The following ATG7 variants were observed in gnomAD, a reference collection of about 807,000 sequenced individuals.
ATG7 encodes autophagy related 7.
In ATG7, 70 loss-of-function variants were observed where a neutral mutation model predicts 82.4. The ratio of observed to expected loss-of-function variants is 0.85; its 90% CI spans 0.70 to 1.04. ATG7 has a LOEUF of 1.04. ATG7 is among the 50% of genes least tolerant of loss of function. The pLI, the probability that ATG7 is intolerant of heterozygous loss-of-function variation, is 0.00. For missense variants in ATG7, 792 were observed against 864.3 expected (o/e 0.92, Z 1.05); for synonymous variants, 287 against 313.0 (o/e 0.92, Z 0.88).
chr3:11,510,192 T>G (rs1297051163), intron 20 of ATG7: 1 of 456,790 alleles, frequency 2.2e-6, no homozygotes, highest in Admixed American at 2.4e-5. Flanking sequence ...CAGGATCATC[T>G]TTCTTTCATC....
chr3:11,502,064 G>T (rs565767181), intron 20 of ATG7, among the ~76,000 whole-genome samples: 253 of 152,026 alleles, frequency 1.7e-3, no homozygotes, highest in African/African-American at 5.6e-3. Flanking sequence ...ATATATGTTT[G>T]CTGTCATGTA....
intron 3 of ATG7, among the ~76,000 whole-genome samples, chr3:11,285,369 G>C (rs1451119229): frequency 6.7e-6 from 1 of 150,272 alleles, no homozygotes; most frequent in African/African-American, 2.5e-5. Context: ...AGAGATGGGG[G>C]CCCACCGTGT....
chr3:11,474,808 G>T (rs1424982989), intron 20 of ATG7, among the ~76,000 whole-genome samples: 1 of 152,120 alleles, frequency 6.6e-6, no homozygotes, highest in Non-Finnish European at 1.5e-5. Context: ...CTAGGCGGAG[G>T]GAACATCCCA....
At chr3:11,367,710 A>G (rs1261771776) in intron 18 of ATG7, among the ~76,000 whole-genome samples, 2 of 151,408 alleles carry the variant, frequency 1.3e-5, no homozygotes, top group African/African-American at 4.9e-5. Flanking sequence ...CTCTTATTGA[A>G]TTTGAAAACC....
chr3:11,300,697 G>A (rs1251173478), intron 5 of ATG7, among the ~76,000 whole-genome samples: 1 of 152,208 alleles, frequency 6.6e-6, no homozygotes, highest in African/African-American at 2.4e-5. Flanking sequence ...TTACGATGGT[G>A]AGAAAGCGAT....
chr3:11,314,119 A>G (rs927355765), intron 8 of ATG7, among the ~76,000 whole-genome samples: 4 of 152,212 alleles, frequency 2.6e-5, no homozygotes, highest in Non-Finnish European at 5.9e-5. Context: ...CTACCCTTGT[A>G]CCAAGTTGCA....
intron 20 of ATG7, among the ~76,000 whole-genome samples, chr3:11,498,805 G>C (rs1559754378): frequency 6.6e-6 from 1 of 152,180 alleles, no homozygotes; most frequent in Non-Finnish European, 1.5e-5. Flanking sequence ...TCTGTCCTAG[G>C]CTGGGCTCCA....
At chr3:11,276,792 T>G (rs1941899190) in intron 1 of ATG7, among the ~76,000 whole-genome samples, 1 of 152,176 alleles carries the variant, frequency 6.6e-6, no homozygotes, top group South Asian at 2.1e-4. Context: ...GCCAAGACTC[T>G]GCCCTCTACT....
At chr3:11,377,961 G>A (rs2077546951) in intron 18 of ATG7, among the ~76,000 whole-genome samples, 1 of 150,282 alleles carries the variant, frequency 6.7e-6, no homozygotes, top group Admixed American at 6.7e-5. Flanking sequence ...TGAGATGTTA[G>A]GAACTAAAAG....
At chr3:11,304,343 G>A (rs972942588) in intron 5 of ATG7, among the ~76,000 whole-genome samples, 4 of 152,220 alleles carry the variant, frequency 2.6e-5, no homozygotes, top group African/African-American at 7.2e-5. Context: ...GCGCATGGCT[G>A]TCAAAATCAC....
chr3:11,330,921 C>A (rs1488459565), intron 9 of ATG7, among the ~76,000 whole-genome samples: 3 of 152,178 alleles, frequency 2.0e-5, no homozygotes, highest in Non-Finnish European at 4.4e-5. Context: ...TGTACACTTA[C>A]ATTGGTAGTG....
intron 20 of ATG7, among the ~76,000 whole-genome samples, chr3:11,544,902 C>T (rs2071144337): frequency 6.6e-6 from 1 of 152,240 alleles, no homozygotes; most frequent in African/African-American, 2.4e-5. Flanking sequence ...ACGCAGCACG[C>T]AGTCCCCTGG....
At chr3:11,388,611 G>A (rs557253801) in intron 19 of ATG7, among the ~76,000 whole-genome samples, 244 of 152,072 alleles carry the variant, frequency 1.6e-3, no homozygotes, top group South Asian at 4.1e-3. Flanking sequence ...TGTACTTTTA[G>A]TAGAGACAGG....
chr3:11,501,715 A>G (rs1000944143), intron 20 of ATG7, among the ~76,000 whole-genome samples: 14 of 152,106 alleles, frequency 9.2e-5, no homozygotes, highest in Non-Finnish European at 2.1e-4. Flanking sequence ...TTTTAGACAG[A>G]GTCTCCCTCT....
In ATG7 at chr3:11,459,915, A is replaced by G. The variant is rs534738194; in HGVS notation, c.2079+32989A>G. Among the ~76,000 whole-genome samples the G allele has an allele frequency of 2.0e-5, 3 of 152,180 alleles. No individual in the cohort carries two copies. In the South Asian group the frequency reaches 6.2e-4, roughly 32 times the overall value. On this transcript the variant is annotated intron_variant, in intron 20 of 20. Coordinates refer to ENST00000693202, the MANE Select transcript of ATG7 (RefSeq NM_001349232.2). ...CCGTATTAACATATTAAAAATCCTT[A>G]CAAGAGCCCTGTGTGTTAGGAACAG...
In ATG7 at chr3:11,332,973, A is replaced by T; in HGVS notation, c.769A>T (p.Ser257Cys). The T allele has an allele frequency of 1.3e-6, 2 of 1,528,112 alleles. No individual in the cohort carries two copies. Among genetic ancestry groups the T allele is most frequent in the South Asian group, 2.6e-5 (2 of 76,716 alleles). The allele number at this position is 1,528,112 out of a possible 1,614,324, so 94.7% of individuals were successfully genotyped here. Residue 257 changes from serine (S) to cysteine (C), a missense_variant and splice_region_variant, in exon 11 of 21, where the codon AGT (serine) becomes TGT (cysteine). Ser to Cys is a moderately radical substitution (Grantham distance 112). Coordinates refer to ENST00000693202, the MANE Select transcript of ATG7 (RefSeq NM_001349232.2). ...NFLVLAAHRW[S>C]SSFQSVEVVC... ...ATAAAAATCCGGGCATGACAACAGGAGTAGCAGTTTCCAGTCTGTTGAAGT... is the reference window on the plus strand; with the variant it reads ...ATAAAAATCCGGGCATGACAACAGGTGTAGCAGTTTCCAGTCTGTTGAAGT...
chr3:11,316,848 A>G (rs1211428216), intron 9 of ATG7, among the ~76,000 whole-genome samples: 6 of 152,266 alleles, frequency 3.9e-5, no homozygotes, highest in South Asian at 2.1e-4. Flanking sequence ...AATCATCTCC[A>G]TAGCCATGTG....
At chr3:11,515,934 T>C (rs1575152473) in intron 20 of ATG7, among the ~76,000 whole-genome samples, 1 of 151,696 alleles carries the variant, frequency 6.6e-6, no homozygotes, top group Non-Finnish European at 1.5e-5. Flanking sequence ...GCCTTGATGG[T>C]TGGGTAGTGT....
At chr3:11,544,159 A>C (rs904179359) in intron 20 of ATG7, among the ~76,000 whole-genome samples, 1 of 152,178 alleles carries the variant, frequency 6.6e-6, no homozygotes, top group African/African-American at 2.4e-5. Flanking sequence ...TTCTGGATTC[A>C]TTGTGAGAGT....
Sources: gnomAD v4.1 joint callset for allele counts (sites outside exome capture counted in the v4.1 genomes callset) on GRCh38, gnomAD v4.1.1 for gene constraint, MANE v1.5 for transcripts, NCBI Gene and HGNC (gene_info 2026-07-23, HGNC 2026-07-21) for gene names.